Variants in CREB5 observed in about 807,000 individuals in gnomAD.
CREB5 encodes cAMP responsive element binding protein 5, also known as cyclic AMP-responsive element-binding protein 5.
A neutral mutation model predicts 57.1 loss-of-function variants in CREB5; 19 were observed. The ratio of observed to expected loss-of-function variants is 0.33; its 90% confidence interval spans 0.23 to 0.49. The LOEUF (loss-of-function observed/expected upper bound fraction) is 0.49, where lower values mean the gene tolerates loss of function less well. Among genes scored for constraint, CREB5 ranks in the 20% least tolerant of loss-of-function variants. The probability of loss-of-function intolerance (pLI) is 0.99; values close to 1 mark genes in which losing one functional copy is unlikely to be tolerated. For synonymous variants in CREB5, 238 were observed against 238.3 expected (o/e 1.00, Z 0.01); for missense variants, 579 against 671.6 (o/e 0.86, Z 1.52).
At chr7:28,310,997 A>C (rs947193191) in intron 1 of CREB5, among the ~76,000 whole-genome samples, 6 of 152,150 alleles carry the variant, frequency 3.9e-5, no homozygotes, top group African/African-American at 1.4e-4. Flanking sequence ...TCTCTTTTAA[A>C]GAATAAATAT....
At chr7:28,684,051 C>T (rs1283573929) in intron 5 of CREB5, among the ~76,000 whole-genome samples, 1 of 152,100 alleles carries the variant, frequency 6.6e-6, no homozygotes, top group Non-Finnish European at 1.5e-5. Flanking sequence ...TGATATTAAC[C>T]AAGATGGTCA....
chr7:28,674,224 G>A (rs147828077), intron 5 of CREB5, among the ~76,000 whole-genome samples: 98 of 152,198 alleles, frequency 6.4e-4, no homozygotes, highest in African/African-American at 1.9e-3. Context: ...GGGATGGAGC[G>A]TTTGCAGGAA....
At chr7:28,310,101 G>A (rs1860758) in intron 1 of CREB5, among the ~76,000 whole-genome samples, 129,988 of 152,014 alleles carry the variant, frequency 0.86, 56,032 homozygotes, top group East Asian at 1. Flanking sequence ...GGACACAGAC[G>A]CCCAAAGTGC....
intron 5 of CREB5, among the ~76,000 whole-genome samples, chr7:28,669,209 C>T (rs1799939938): frequency 6.6e-6 from 1 of 152,184 alleles, no homozygotes; most frequent in Non-Finnish European, 1.5e-5. Flanking sequence ...AAAAATCAAA[C>T]ATGTCCAGTT....
chr7:28,336,110 G>A (rs186845285), intron 1 of CREB5, among the ~76,000 whole-genome samples: 4 of 152,186 alleles, frequency 2.6e-5, no homozygotes, highest in African/African-American at 7.2e-5. Context: ...GTATTTTGTC[G>A]AGGATTTTTG....
intron 4 of CREB5, among the ~76,000 whole-genome samples, chr7:28,560,881 T>TGCGCGTGCGCGC (rs1388491335): frequency 1.7e-4 from 8 of 46,206 alleles, no homozygotes; most frequent in Non-Finnish European, 3.2e-4. Flanking sequence ...TGCGCGTGCG[T>TGCGCGTGCGCGC]GCGTGCGTGT....
At chr7:28,468,550 G>C (rs1490086636) in intron 1 of CREB5, among the ~76,000 whole-genome samples, 1 of 152,186 alleles carries the variant, frequency 6.6e-6, no homozygotes, top group Non-Finnish European at 1.5e-5. Flanking sequence ...CACCAGAGTG[G>C]GGGAAGGAGG....
chr7:28,364,954 T>C (rs1461097787), intron 1 of CREB5, among the ~76,000 whole-genome samples: 1 of 152,200 alleles, frequency 6.6e-6, no homozygotes, highest in Non-Finnish European at 1.5e-5. Context: ...GACTGGTACC[T>C]GGTTCATGGT....
intron 7 of CREB5, among the ~76,000 whole-genome samples, chr7:28,789,511 T>G (rs1807538613): frequency 1.3e-5 from 2 of 152,176 alleles, no homozygotes; most frequent in Non-Finnish European, 2.9e-5. Flanking sequence ...GGAAACACCC[T>G]GCCTTATCAG....
chr7:28,327,464 C>T (rs1210940900), intron 1 of CREB5, among the ~76,000 whole-genome samples: 1 of 152,112 alleles, frequency 6.6e-6, no homozygotes, highest in Non-Finnish European at 1.5e-5. Context: ...GCATTCCTTG[C>T]ACATAGAAGG....
At chr7:28,364,533 C>T (rs920871909) in intron 1 of CREB5, among the ~76,000 whole-genome samples, 4 of 152,204 alleles carry the variant, frequency 2.6e-5, no homozygotes, top group Non-Finnish European at 4.4e-5. Flanking sequence ...TCCTTCATTA[C>T]TGACATCACC....
At chr7:28,519,561 C>T (rs1238091273) in intron 4 of CREB5, among the ~76,000 whole-genome samples, 2 of 152,254 alleles carry the variant, frequency 1.3e-5, no homozygotes, top group East Asian at 3.9e-4. Flanking sequence ...TCTAAACACA[C>T]GTGCCCTCCC....
intron 5 of CREB5, among the ~76,000 whole-genome samples, chr7:28,629,404 T>C (rs970290914): frequency 6.6e-6 from 1 of 152,194 alleles, no homozygotes; most frequent in Non-Finnish European, 1.5e-5. Context: ...TCAGCTGCTG[T>C]TGGTCCCTGA....
intron 7 of CREB5, among the ~76,000 whole-genome samples, chr7:28,729,867 A>T (rs2128751196): frequency 6.6e-6 from 1 of 152,336 alleles, no homozygotes; most frequent in African/African-American, 2.4e-5. Flanking sequence ...AAACATGATG[A>T]TGATGGGCTG....
intron 1 of CREB5, among the ~76,000 whole-genome samples, chr7:28,403,142 A>G (rs1300689405): frequency 1.3e-5 from 2 of 152,238 alleles, no homozygotes; most frequent in African/African-American, 4.8e-5. Context: ...ATCAGCTTGT[A>G]TAAAATTGCT....
At chr7:28,624,434 T>C (rs1031291874) in intron 5 of CREB5, among the ~76,000 whole-genome samples, 1 of 152,206 alleles carries the variant, frequency 6.6e-6, no homozygotes, top group Non-Finnish European at 1.5e-5. Flanking sequence ...GAATGATTAA[T>C]AAGTAATAAT....
intron 7 of CREB5, among the ~76,000 whole-genome samples, chr7:28,750,594 A>C (rs1189209259): frequency 9.4e-6 from 1 of 106,908 alleles, no homozygotes; most frequent in African/African-American, 3.7e-5. Context: ...CTTAATACGA[A>C]ATATATCACT....
At chr7:28,764,880 C>T (rs543810492) in intron 7 of CREB5, among the ~76,000 whole-genome samples, 11 of 152,054 alleles carry the variant, frequency 7.2e-5, no homozygotes, top group South Asian at 4.2e-4. Context: ...ACTTTGTTAC[C>T]GTCTCATAAA....
At chr7:28,783,841 A>G (rs1231845115) in intron 7 of CREB5, among the ~76,000 whole-genome samples, 3 of 152,224 alleles carry the variant, frequency 2.0e-5, no homozygotes, top group African/African-American at 7.2e-5. Flanking sequence ...GGCCCTTGAT[A>G]AACTTCTCAT....
Sources: gnomAD v4.1 joint callset for allele counts (sites outside exome capture counted in the v4.1 genomes callset) on GRCh38, gnomAD v4.1.1 for gene constraint, MANE v1.5 for transcripts, NCBI Gene and HGNC (gene_info 2026-07-23, HGNC 2026-07-21) for gene names.